Variants in COL4A5 observed in about 807,000 individuals in gnomAD.
COL4A5 encodes the protein collagen type IV alpha 5 chain.
In COL4A5, 26 loss-of-function variants were observed where a neutral mutation model predicts 130.2. The ratio of observed to expected loss-of-function variants is 0.20; its 90% CI spans 0.15 to 0.28. The LOEUF (loss-of-function observed/expected upper bound fraction) is 0.28. Among genes scored for constraint, COL4A5 ranks in the 10% least tolerant of loss-of-function variants. The probability of loss-of-function intolerance (pLI) is 1.00; values close to 1 mark genes in which losing one functional copy is unlikely to be tolerated. For synonymous variants in COL4A5, 496 were observed against 439.6 expected (o/e 1.13, Z -1.60); for missense variants, 1,131 against 1,344.3 (o/e 0.84, Z 2.48).
chrX:108,592,625 A>G (rs892263023), intron 21 of COL4A5, among the ~76,000 whole-genome samples: 1 of 110,580 alleles, frequency 9.0e-6, no homozygotes, highest in East Asian at 2.9e-4. Context: ...GTCAGTCACC[A>G]GCAGTCTATA....
chrX:108,689,570 A>G (rs1285015063), intron 49 of COL4A5: 3 of 754,555 alleles, frequency 4.0e-6, no homozygotes, highest in Non-Finnish European at 4.7e-6. Context: ...ACGGAGCCCA[A>G]GATCCTAGGA....
intron 1 of COL4A5, among the ~76,000 whole-genome samples, chrX:108,444,223 CTT>C (rs58190150): frequency 1.2e-4 from 12 of 97,112 alleles, no homozygotes; most frequent in African/African-American, 4.6e-4. Context: ...TTTTTTTTTT[CTT>C]TTTTTTTTTG....
At chrX:108,501,535 A>C (rs963759347) in intron 1 of COL4A5, among the ~76,000 whole-genome samples, 4 of 112,007 alleles carry the variant, frequency 3.6e-5, no homozygotes, top group African/African-American at 1.3e-4. Flanking sequence ...CCGATTGCTG[A>C]ACAGCTATTA....
intron 2 of COL4A5, among the ~76,000 whole-genome samples, chrX:108,545,859 G>T (rs1366534770): frequency 1.7e-4 from 19 of 111,330 alleles, no homozygotes; most frequent in African/African-American, 4.9e-4. Flanking sequence ...TTACCATTAT[G>T]TAATGGCCTT....
chrX:108,513,738 T>C (rs1453441969), intron 1 of COL4A5, among the ~76,000 whole-genome samples: 8 of 111,913 alleles, frequency 7.1e-5, no homozygotes, highest in Admixed American at 3.8e-4. Flanking sequence ...ATCCACTTTT[T>C]GTGGTTTTTC....
chrX:108,602,073 A>G (rs906357788), intron 27 of COL4A5, 84 bp downstream of exon 27: 29 of 527,672 alleles, frequency 5.5e-5, no homozygotes, highest in Non-Finnish European at 8.3e-5. Flanking sequence ...AACAAATAAA[A>G]TATATTAATT....
chrX:108,520,206 G>A (rs2065252687), intron 1 of COL4A5, among the ~76,000 whole-genome samples: 1 of 111,285 alleles, frequency 9.0e-6, no homozygotes. Flanking sequence ...GAAGAGTTTG[G>A]TTAGGTTTAA....
intron 31 of COL4A5, 32 bp downstream of exon 31, chrX:108,620,458 T>G: frequency 8.9e-7 from 1 of 1,122,734 alleles, no homozygotes; most frequent in East Asian, 3.0e-5. Context: ...CTGATTTGGA[T>G]TAAGGAAATT....
intron 42 of COL4A5, 41 bp downstream of exon 42, chrX:108,670,277 G>A: frequency 8.3e-7 from 1 of 1,208,095 alleles, no homozygotes; most frequent in Non-Finnish European, 1.1e-6. Flanking sequence ...CATGAAGTTT[G>A]AAACTTATAT....
At chrX:108,576,103 A>C (rs951740309) in intron 10 of COL4A5, 131 bp downstream of exon 10, 28 of 483,236 alleles carry the variant, frequency 5.8e-5, no homozygotes, top group Non-Finnish European at 7.9e-5. Context: ...TTCTTATGTA[A>C]AGGTGACTTT....
At chrX:108,527,808 G>A (rs764515433) in intron 1 of COL4A5, among the ~76,000 whole-genome samples, 1 of 111,688 alleles carries the variant, frequency 9.0e-6, no homozygotes, top group Admixed American at 9.4e-5. Context: ...CTGAGGTTGG[G>A]CCTAAACTCC....
intron 1 of COL4A5, among the ~76,000 whole-genome samples, chrX:108,481,401 C>T (rs1170927275): frequency 1.8e-5 from 2 of 111,593 alleles, no homozygotes; most frequent in Non-Finnish European, 3.8e-5. Flanking sequence ...TCAAGGGGTT[C>T]TGAGTCTGTA....
In COL4A5 at chrX:108,563,872, C is replaced by T. The variant is rs2065932878; in HGVS notation, c.232-10C>T. On this transcript the variant is annotated splice_polypyrimidine_tract_variant and intron_variant, in intron 3 of 52. Transcript: ENST00000328300. Reference sequence around the variant, plus strand: ...GACGGACAAAAACCTAAAAATATTGCATTTTTCAGGGTGATGATGGAATTC... The same window carrying T: ...GACGGACAAAAACCTAAAAATATTGTATTTTTCAGGGTGATGATGGAATTC... 9 of 1,204,196 alleles carry T rather than the reference C, an allele frequency of 7.5e-6. No individual in the cohort carries two copies. The highest frequency in any genetic ancestry group is 1.0e-5 in the Non-Finnish European group (9 of 890,253).
intron 28 of COL4A5, 34 bp downstream of exon 28, chrX:108,603,095 T>G: frequency 2.2e-6 from 2 of 926,249 alleles, no homozygotes; most frequent in Non-Finnish European, 3.1e-6. Flanking sequence ...CTTCTCATTT[T>G]CTTATCTTTC....
chrX:108,614,981 A>G lies in COL4A5; in HGVS notation c.2466A>G (p.Gly822=), dbSNP rs375746429. 9.9e-6 allele frequency: 12 copies of G among 1,207,112 alleles called. No individual in the cohort carries two copies. The highest frequency in any genetic ancestry group is 3.5e-5 in the South Asian group (2 of 56,637). Residue 822 remains glycine, a synonymous_variant, in exon 30 of 53, where the codon GGA becomes GGG. Transcript: ENST00000328300. ...PPGLPGIGVQ[G]PPGPPGIPGP... ...GGCTGCCAGGAATAGGTGTTCAGGG[A>G]CCACCAGGACCACCAGGGATTCCTG...
intron 8 of COL4A5, among the ~76,000 whole-genome samples, chrX:108,573,262 C>T (rs1278777110): frequency 1.8e-5 from 2 of 110,686 alleles, no homozygotes; most frequent in Non-Finnish European, 3.8e-5. Context: ...AGAACAGAGG[C>T]CTTGTTTATC....
chrX:108,556,337 AGTTTTAG>A (rs1229020632), intron 2 of COL4A5, among the ~76,000 whole-genome samples: 1 of 111,533 alleles, frequency 9.0e-6, no homozygotes, highest in African/African-American at 3.3e-5. Context: ...ATTGTCATTG[AGTTTTAG>A]GTGCCTGTAT....
At chrX:108,673,812 T>G (rs1038570451) in intron 42 of COL4A5, among the ~76,000 whole-genome samples, 17 of 108,451 alleles carry the variant, frequency 1.6e-4, no homozygotes, top group Non-Finnish European at 3.1e-4. Flanking sequence ...GAGGCCGAGG[T>G]GGGTGGATCA....
At chrX:108,603,331 G>T (rs1315289057) in intron 28 of COL4A5, among the ~76,000 whole-genome samples, 1 of 107,730 alleles carries the variant, frequency 9.3e-6, no homozygotes. Context: ...GAGAATACAG[G>T]CATACCTTGG....
Sources: allele counts gnomAD v4.1 joint callset (sites outside exome capture counted in the v4.1 genomes callset), GRCh38; gene constraint gnomAD v4.1.1; transcripts MANE v1.5; gene names NCBI Gene and HGNC (gene_info 2026-07-23, HGNC 2026-07-21).